MIB1: variants seen among roughly 807,000 people sequenced by gnomAD.
The protein encoded by MIB1 is MIB E3 ubiquitin protein ligase 1, also known as E3 ubiquitin-protein ligase MIB1.
MIB1 carries 278 observed loss-of-function variants against 124.5 expected under a neutral mutation model. The observed-to-expected ratio is 2.23, with a 90% CI of 2.02 to 2.47. MIB1 has a LOEUF of 2.47. Among genes scored for constraint, MIB1 ranks in the 30% most tolerant of loss-of-function variants. MIB1 has a pLI of 0.00. For missense variants in MIB1, 957 were observed against 1,254.4 expected (o/e 0.76, Z 3.58); for synonymous variants, 446 against 429.4 (o/e 1.04, Z -0.48).
chr18:21,852,709 A>G (rs929050594), intron 17 of MIB1, among the ~76,000 whole-genome samples: 2 of 152,190 alleles, frequency 1.3e-5, no homozygotes, highest in African/African-American at 4.8e-5. Context: ...TCCCTCGTGG[A>G]TTTTAGCAAT....
At chr18:21,791,150 C>G (rs1794586000) in intron 6 of MIB1, among the ~76,000 whole-genome samples, 1 of 151,480 alleles carries the variant, frequency 6.6e-6, no homozygotes, top group Non-Finnish European at 1.5e-5. Context: ...CCACTGCACT[C>G]CAGCCTGGGT....
chr18:21,767,019 C>T (rs1343606252), intron 2 of MIB1, among the ~76,000 whole-genome samples: 1 of 152,056 alleles, frequency 6.6e-6, no homozygotes, highest in African/African-American at 2.4e-5. Flanking sequence ...CAAGCTGGAC[C>T]AGATACTTGA....
chr18:21,752,810 CACATATTT>C (rs2040990318), intron 1 of MIB1, among the ~76,000 whole-genome samples: 1 of 151,958 alleles, frequency 6.6e-6, no homozygotes, highest in Admixed American at 6.6e-5. Flanking sequence ...GATTCTCAGG[CACATATTT>C]ACAAAGATAT....
chr18:21,716,392 A>G (rs2040689786), intron 1 of MIB1, among the ~76,000 whole-genome samples: 1 of 152,220 alleles, frequency 6.6e-6, no homozygotes, highest in Admixed American at 6.5e-5. Context: ...AATCCTGGAA[A>G]CACATCAAAA....
At chr18:21,793,780 TCAAAAAAA>T (rs1199208551) in intron 7 of MIB1, 1 of 16,282 alleles carries the variant, frequency 6.1e-5, no homozygotes, top group Admixed American at 9.6e-4. Context: ...AGACCCTGTC[TCAAAAAAA>T]AAAAAAAAAA....
intron 12 of MIB1, among the ~76,000 whole-genome samples, chr18:21,835,772 GAAAA>G (rs372315844): frequency 9.7e-5 from 8 of 82,680 alleles, no homozygotes; most frequent in African/African-American, 2.6e-4. Context: ...TCCATCTCAA[GAAAA>G]AAAAAAAAAT....
chr18:21,856,221 A>G (rs1236508178), intron 18 of MIB1, among the ~76,000 whole-genome samples: 1 of 137,116 alleles, frequency 7.3e-6, no homozygotes, highest in African/African-American at 2.8e-5. Context: ...TGGGCGACAG[A>G]GCGAGACTCC....
At chr18:21,743,251 C>G (rs1456959963) in intron 1 of MIB1, among the ~76,000 whole-genome samples, 1 of 152,140 alleles carries the variant, frequency 6.6e-6, no homozygotes, top group Non-Finnish European at 1.5e-5. Flanking sequence ...AATCTAATCC[C>G]CTTTTAAGTG....
intron 1 of MIB1, among the ~76,000 whole-genome samples, chr18:21,760,293 A>C (rs571902256): frequency 6.6e-6 from 1 of 152,264 alleles, no homozygotes; most frequent in African/African-American, 2.4e-5. Context: ...ACCACTGTAC[A>C]GTAAGAGATT....
At chr18:21,853,290 G>A in intron 18 of MIB1, 72 bp downstream of exon 18, 1 of 1,183,048 alleles carries the variant, frequency 8.5e-7, no homozygotes, top group Non-Finnish European at 1.2e-6. Context: ...ATGTTTTTGA[G>A]GGTTTTTTTG....
chr18:21,724,240 T>C (rs1298023718), intron 1 of MIB1: 1 of 152,306 alleles, frequency 6.6e-6, no homozygotes, highest in East Asian at 1.9e-4. Context: ...AAAAAAATTC[T>C]ATCTGTGATA....
intron 1 of MIB1, among the ~76,000 whole-genome samples, chr18:21,706,575 C>T (rs1265712451): frequency 6.6e-6 from 1 of 152,168 alleles, no homozygotes; most frequent in African/African-American, 2.4e-5. Flanking sequence ...AGCGGGAGTT[C>T]CGGGTGGGTG....
intron 20 of MIB1, among the ~76,000 whole-genome samples, chr18:21,863,258 A>C (rs1225007726): frequency 6.6e-6 from 1 of 152,324 alleles, no homozygotes; most frequent in East Asian, 1.9e-4. Flanking sequence ...GTGTGTTATC[A>C]GCTCAGTTGG....
intron 1 of MIB1, among the ~76,000 whole-genome samples, chr18:21,719,010 G>A (rs898385740): frequency 6.6e-6 from 1 of 152,060 alleles, no homozygotes; most frequent in Non-Finnish European, 1.5e-5. Context: ...CCAACATGGA[G>A]GAACCCTGTC....
rs373738054 is a variant in MIB1 at position 21,844,077 on chromosome 18, A to G, written c.2050-15A>G. On this transcript the variant is annotated splice_polypyrimidine_tract_variant and intron_variant, in intron 14 of 20. Transcript: ENST00000261537. ...TGTGGACACTTTGCCAAAATGAGACATCTTTCTCTTTTAGCTTTTGGTCCG... is the reference window on the plus strand; with the variant it reads ...TGTGGACACTTTGCCAAAATGAGACGTCTTTCTCTTTTAGCTTTTGGTCCG... The G allele has an allele frequency of 1.9e-6, 3 of 1,612,508 alleles. No homozygotes were observed. The highest frequency in any genetic ancestry group is 2.5e-6 in the Non-Finnish European group (3 of 1,179,372).
chr18:21,766,081 G>C, intron 2 of MIB1, 138 bp downstream of exon 2: 1 of 742,274 alleles, frequency 1.3e-6, no homozygotes, highest in Non-Finnish European at 2.2e-6. Flanking sequence ...TAGTAGGATA[G>C]AAGTGGACCA....
At chr18:21,859,218 C>T (rs1941969) in intron 20 of MIB1, among the ~76,000 whole-genome samples, 150,487 of 152,184 alleles carry the variant, frequency 0.99, 74,438 homozygotes, top group East Asian at 1. Flanking sequence ...AAGACCAGCC[C>T]GCACAACATA....
intron 1 of MIB1, among the ~76,000 whole-genome samples, chr18:21,728,321 C>T (rs2040752091): frequency 6.6e-6 from 1 of 152,076 alleles, no homozygotes; most frequent in Non-Finnish European, 1.5e-5. Context: ...GGTGAAACCC[C>T]GTCTCTACTA....
intron 18 of MIB1, among the ~76,000 whole-genome samples, chr18:21,855,917 T>G (rs2042221657): frequency 6.6e-6 from 1 of 152,228 alleles, no homozygotes. Flanking sequence ...TTAACAAGTT[T>G]AGATGTAAGG....
Sources: gnomAD v4.1 joint callset for allele counts (sites outside exome capture counted in the v4.1 genomes callset) on GRCh38, gnomAD v4.1.1 for gene constraint, MANE v1.5 for transcripts, NCBI Gene and HGNC (gene_info 2026-07-23, HGNC 2026-07-21) for gene names.